The following SLC12A9 variants were observed in gnomAD, a reference collection of about 807,000 sequenced individuals.
SLC12A9 encodes CCC-interacting protein 1.
SLC12A9 carries 55 observed loss-of-function variants against 66.0 expected under a neutral mutation model. That is an observed-to-expected ratio of 0.83 (90% confidence interval 0.67 to 1.04). The LOEUF (loss-of-function observed/expected upper bound fraction) is 1.04. Among genes scored for constraint, SLC12A9 ranks in the 50% least tolerant of loss-of-function variants. The pLI is 0.00. For synonymous variants in SLC12A9, 577 were observed against 569.0 expected (o/e 1.01, Z -0.20); for missense variants, 1,061 against 1,241.9 (o/e 0.85, Z 2.19).
At chr7:100,847,609 T>A (rs1032877189) in intron 1 of SLC12A9, among the ~76,000 whole-genome samples, 1 of 152,126 alleles carries the variant, frequency 6.6e-6, no homozygotes, top group African/African-American at 2.4e-5. Flanking sequence ...GGTTGCAGAC[T>A]GGTTATAACT....
At position 100,842,008 on chromosome 7, in the gene SLC12A9, G is replaced by A. The variant is rs186805907; in HGVS notation, n.228+14961G>A. ...CACCCCTAGAATTTCCGGTAAACCA[G>A]CACCAGCCTGAAGATCATATTCTCA... is the stretch of plus-strand genomic sequence containing the variant. On this transcript the variant is annotated intron_variant and non_coding_transcript_variant, in intron 1 of 1. Transcript: ENST00000461016. Among the ~76,000 whole-genome samples the A allele has an allele frequency of 7.8e-4, 118 of 151,852 alleles. 3 individuals are homozygous for A. The highest frequency in any genetic ancestry group is 7.8e-3 in the Admixed American group (118 of 15,224).
intron 1 of SLC12A9, among the ~76,000 whole-genome samples, chr7:100,832,810 T>G (rs1386432379): frequency 6.6e-6 from 1 of 152,080 alleles, no homozygotes; most frequent in Non-Finnish European, 1.5e-5. Flanking sequence ...GGGTCTCCCT[T>G]TGTCACCCAT....
intron 4 of SLC12A9, chr7:100,856,536 A>G (rs1814399292): frequency 1.9e-5 from 4 of 210,194 alleles, no homozygotes; most frequent in South Asian, 1.6e-4. Flanking sequence ...TTTTCTTGAG[A>G]GAAGGTCTCA....
chr7:100,845,510 C>T (rs1216844681), intron 1 of SLC12A9, among the ~76,000 whole-genome samples: 1 of 151,968 alleles, frequency 6.6e-6, no homozygotes, highest in South Asian at 2.1e-4. Context: ...CCACCATGCC[C>T]GGCTAATTTT....
rs1163011731 is a variant in SLC12A9 at position 100,853,813 on chromosome 7, C to T, written c.-42-343C>T. ...GTGTGATGTCGGCTCACTGCAACCT[C>T]TGCCTCCTGGGTTCAAGGGATTCTC... is the stretch of plus-strand genomic sequence containing the variant. On this transcript the variant is annotated intron_variant, in intron 1 of 13. Coordinates refer to ENST00000354161, the MANE Select transcript of SLC12A9 (RefSeq NM_020246.4). Among the ~76,000 whole-genome samples the T allele has an allele frequency of 2.0e-5, 3 of 152,014 alleles. No homozygotes were observed. In the South Asian group the frequency reaches 6.2e-4, roughly 32 times the overall value.
chr7:100,828,724 A>G (rs1189063910), intron 1 of SLC12A9, among the ~76,000 whole-genome samples: 1 of 151,604 alleles, frequency 6.6e-6, no homozygotes, highest in East Asian at 1.9e-4. Context: ...GTCTTTCCTG[A>G]GCTGTTTCCT....
At chr7:100,845,832 G>C (rs77195602) in intron 1 of SLC12A9, among the ~76,000 whole-genome samples, 3 of 152,150 alleles carry the variant, frequency 2.0e-5, no homozygotes, top group Non-Finnish European at 4.4e-5. Context: ...AAGACGGCTC[G>C]TGAAGATACT....
intron 1 of SLC12A9, among the ~76,000 whole-genome samples, chr7:100,843,652 A>G (rs953164939): frequency 6.6e-6 from 1 of 152,254 alleles, no homozygotes; most frequent in Non-Finnish European, 1.5e-5. Flanking sequence ...TAGCACAAGA[A>G]GCAGATAAAC....
chr7:100,844,431 C>G (rs1454132130), intron 1 of SLC12A9, among the ~76,000 whole-genome samples: 1 of 152,016 alleles, frequency 6.6e-6, no homozygotes, highest in Non-Finnish European at 1.5e-5. Flanking sequence ...AAGAGGTGCC[C>G]AAACAAGTCA....
Position 100,845,645 on chromosome 7 carries a change from G to A in SLC12A9, n.229-14240G>A, listed in dbSNP as rs557818084. 2.8e-4 allele frequency among the ~76,000 whole-genome samples: 42 copies of A among 152,290 alleles called. No individual in the cohort carries two copies. In the East Asian group the frequency reaches 7.1e-3, roughly 26 times the overall value. On this transcript the variant is annotated intron_variant and non_coding_transcript_variant, in intron 1 of 1. Coordinates refer to the SLC12A9 transcript ENST00000461016. ...ATTATAGGCGTGGGCCACCACGCCC[G>A]GCCTATTGGCACTATTAAACCATCT...
At position 100,862,730 on chromosome 7, in the gene SLC12A9, C is replaced by T; in HGVS notation, c.1761C>T (p.Ser587=). Residue 587 remains serine (S), a synonymous_variant, in exon 13 of 14, where the codon AGC becomes AGT. Coordinates refer to ENST00000354161, the MANE Select transcript of SLC12A9 (RefSeq NM_020246.4). ...AGCCGCAGTATGGGGCATGGCTCAG[C>T]CTGGTGGACCGTGCCCAGGTGAAGG... is the stretch of plus-strand genomic sequence containing the variant. ...PVQPQYGAWL[S]LVDRAQVKAF... 1 of 1,614,230 alleles carries T rather than the reference C, an allele frequency of 6.2e-7. No individual in the cohort carries two copies. Among genetic ancestry groups the T allele is most frequent in the Non-Finnish European group, 8.5e-7 (1 of 1,180,048 alleles).
rs143713379 is a variant in SLC12A9 at position 100,859,881 on chromosome 7, C to T, written c.978-4C>T. 112 of 1,597,780 alleles carry T rather than the reference C, an allele frequency of 7.0e-5. No individual in the cohort carries two copies. The African/African-American group carries it at 1.2e-3, about 17-fold the overall frequency. On this transcript the variant is annotated splice_polypyrimidine_tract_variant and splice_region_variant and intron_variant, in intron 7 of 13. Transcript: ENST00000354161. ...ATCCGTGTCCTCCTTTTCCTCCTTC[C>T]TAGGACCCTGCTGCAGGAAGACTAT... is the stretch of plus-strand genomic sequence containing the variant.
chr7:100,841,879 G>T (rs1473179201), intron 1 of SLC12A9, among the ~76,000 whole-genome samples: 1 of 152,008 alleles, frequency 6.6e-6, no homozygotes, highest in African/African-American at 2.4e-5. Flanking sequence ...CACGGCCAAG[G>T]TCCCCACATT....
intron 5 of SLC12A9, 83 bp downstream of exon 5, chr7:100,857,259 G>C (rs1814456454): frequency 1.4e-6 from 2 of 1,433,648 alleles, no homozygotes; most frequent in East Asian, 2.3e-5. Flanking sequence ...CTCTGGATGA[G>C]CACAGGTGTC....
At chr7:100,853,137 G>A (rs1814171200) in intron 1 of SLC12A9, 1 of 152,130 alleles carries the variant, frequency 6.6e-6, no homozygotes, top group African/African-American at 2.4e-5. Flanking sequence ...ATTGACGGAG[G>A]GTGGGGTTTT....
At chr7:100,860,922 T>G in intron 9 of SLC12A9, 2 of 784,524 alleles carry the variant, frequency 2.5e-6, no homozygotes, top group Non-Finnish European at 4.2e-6. Flanking sequence ...TAGGGGCTCA[T>G]TGACACTTTG....
At chr7:100,831,278 C>T (rs190600989) in intron 1 of SLC12A9, among the ~76,000 whole-genome samples, 27 of 152,274 alleles carry the variant, frequency 1.8e-4, no homozygotes, top group Non-Finnish European at 3.4e-4. Flanking sequence ...CCTCTGCCTC[C>T]TGGGTTCAAG....
chr7:100,849,849 TTC>T (rs910054237), upstream of SLC12A9, among the ~76,000 whole-genome samples: 48 of 151,480 alleles, frequency 3.2e-4, no homozygotes, highest in African/African-American at 1.0e-3. Context: ...ACTGTGCCCC[TTC>T]TCTCTCTCCC....
chr7:100,864,502 G>C (rs546999449), intron 13 of SLC12A9, among the ~76,000 whole-genome samples: 10 of 152,236 alleles, frequency 6.6e-5, no homozygotes, highest in Middle Eastern at 3.4e-3. Context: ...ATGAGAAGGG[G>C]TCTTGGAAGA....
Sources: allele counts gnomAD v4.1 joint callset (sites outside exome capture counted in the v4.1 genomes callset), GRCh38; gene constraint gnomAD v4.1.1; transcripts MANE v1.5; gene names NCBI Gene and HGNC (gene_info 2026-07-23, HGNC 2026-07-21).